Variants in NALF1 observed in about 807,000 individuals in gnomAD.
NALF1 encodes NALCN channel auxiliary factor 1, also known as family with sequence similarity 155 member A.
A neutral mutation model predicts 48.4 loss-of-function variants in NALF1; 3 were observed. The ratio of observed to expected loss-of-function variants is 0.06; its 90% CI spans 0.03 to 0.16. The LOEUF (loss-of-function observed/expected upper bound fraction) is 0.16. Ranked by LOEUF, NALF1 falls within the 10% of genes least tolerant of loss-of-function variation. NALF1 has a pLI of 1.00. For synonymous variants in NALF1, 262 were observed against 245.7 expected (o/e 1.07, Z -0.62); for missense variants, 526 against 571.5 (o/e 0.92, Z 0.81).
intron 1 of NALF1, among the ~76,000 whole-genome samples, chr13:107,339,156 AAG>A (rs1201049485): frequency 0.01 from 1,428 of 141,048 alleles, 25 homozygotes; most frequent in African/African-American, 0.034. Context: ...AAAAAAAAAA[AAG>A]TTACAGCTTG....
intron 1 of NALF1, among the ~76,000 whole-genome samples, chr13:107,335,688 T>A (rs1200790885): frequency 6.6e-6 from 1 of 152,216 alleles, no homozygotes; most frequent in Non-Finnish European, 1.5e-5. Flanking sequence ...AATGATAATG[T>A]ACTGTTTTTG....
At chr13:107,338,904 GGGC>G (rs1882613650) in intron 1 of NALF1, among the ~76,000 whole-genome samples, 1 of 152,026 alleles carries the variant, frequency 6.6e-6, no homozygotes, top group African/African-American at 2.4e-5. Flanking sequence ...AGGCTGAGGT[GGGC>G]GGATCACGAG....
At chr13:107,219,085 A>C (rs979438359) in intron 1 of NALF1, among the ~76,000 whole-genome samples, 24 of 152,292 alleles carry the variant, frequency 1.6e-4, no homozygotes, top group African/African-American at 5.1e-4. Context: ...AGTGACGAAG[A>C]TGGTGGGAGC....
chr13:107,433,343 TC>T (rs1471694710), intron 1 of NALF1, among the ~76,000 whole-genome samples: 84 of 152,216 alleles, frequency 5.5e-4, no homozygotes, highest in African/African-American at 2.0e-3. Context: ...AAATGTGTCT[TC>T]TAAAATAAAT....
At chr13:107,836,154 CTAATTTTTG>C (rs1879882146) in intron 1 of NALF1, among the ~76,000 whole-genome samples, 1 of 152,172 alleles carries the variant, frequency 6.6e-6, no homozygotes, top group South Asian at 2.1e-4. Context: ...CCATGCTCGA[CTAATTTTTG>C]TAATTTTTGT....
intron 2 of NALF1, among the ~76,000 whole-genome samples, chr13:107,178,957 A>AT (rs760423144): frequency 6.7e-6 from 1 of 150,068 alleles, no homozygotes; most frequent in Admixed American, 6.7e-5. Flanking sequence ...AAAACAAACA[A>AT]AAAAAAAAAA....
chr13:107,331,846 A>G (rs1389841556), intron 1 of NALF1, among the ~76,000 whole-genome samples: 3 of 152,154 alleles, frequency 2.0e-5, no homozygotes, highest in Non-Finnish European at 4.4e-5. Flanking sequence ...AAATGTTTTC[A>G]TAAGACATTA....
At chr13:107,234,742 A>G (rs1880305210) in intron 1 of NALF1, among the ~76,000 whole-genome samples, 2 of 152,140 alleles carry the variant, frequency 1.3e-5, no homozygotes, top group Admixed American at 1.3e-4. Context: ...AAAAACCAAG[A>G]GCATTTTCAG....
At chr13:107,577,224 G>A (rs1173293829) in intron 1 of NALF1, among the ~76,000 whole-genome samples, 1 of 152,170 alleles carries the variant, frequency 6.6e-6, no homozygotes, top group Non-Finnish European at 1.5e-5. Context: ...TCATCTGCAT[G>A]TTGGAAGGTG....
intron 1 of NALF1, among the ~76,000 whole-genome samples, chr13:107,214,890 G>A (rs891036622): frequency 1.3e-5 from 2 of 152,156 alleles, no homozygotes; most frequent in Non-Finnish European, 2.9e-5. Context: ...TTTGGGAAAT[G>A]TTTTACAAAT....
chr13:107,535,013 G>C (rs1876758789), intron 1 of NALF1, among the ~76,000 whole-genome samples: 2 of 152,242 alleles, frequency 1.3e-5, no homozygotes, highest in Non-Finnish European at 2.9e-5. Flanking sequence ...AAGAATGCTT[G>C]TGATTTTTGC....
At chr13:107,778,130 C>G (rs1457432892) in intron 1 of NALF1, among the ~76,000 whole-genome samples, 1 of 152,150 alleles carries the variant, frequency 6.6e-6, no homozygotes, top group East Asian at 1.9e-4. Context: ...TGAAAACACC[C>G]AGGACTTCTG....
chr13:107,460,012 G>C (rs936418408), intron 1 of NALF1, among the ~76,000 whole-genome samples: 3 of 152,182 alleles, frequency 2.0e-5, no homozygotes, highest in African/African-American at 7.2e-5. Flanking sequence ...GAAGTGCTGG[G>C]ATTATAGGCA....
intron 1 of NALF1, among the ~76,000 whole-genome samples, chr13:107,660,512 CAAAT>C (rs1461338534): frequency 4.7e-5 from 7 of 147,484 alleles, no homozygotes; most frequent in Admixed American, 6.7e-5. Flanking sequence ...ACAAACAAAA[CAAAT>C]AAACAAAAAA....
intron 1 of NALF1, among the ~76,000 whole-genome samples, chr13:107,664,559 C>T (rs949464132): frequency 6.6e-6 from 1 of 152,162 alleles, no homozygotes; most frequent in Non-Finnish European, 1.5e-5. Flanking sequence ...CTCACCGCCA[C>T]TCCCCAACTT....
intron 1 of NALF1, among the ~76,000 whole-genome samples, chr13:107,388,622 G>A (rs1486461079): frequency 6.6e-6 from 1 of 152,152 alleles, no homozygotes; most frequent in Non-Finnish European, 1.5e-5. Flanking sequence ...AATTTCCCTA[G>A]ATAGAGACAC....
At chr13:107,851,341 G>GTTT (rs34705065) in intron 1 of NALF1, among the ~76,000 whole-genome samples, 1 of 143,466 alleles carries the variant, frequency 7.0e-6, no homozygotes, top group South Asian at 2.2e-4. Flanking sequence ...CAGATGAACA[G>GTTT]TTTTTTTTTT....
chr13:107,543,293 A>AT (rs2139121391), intron 1 of NALF1, among the ~76,000 whole-genome samples: 1 of 152,234 alleles, frequency 6.6e-6, no homozygotes, highest in East Asian at 1.9e-4. Flanking sequence ...TTATGATTTC[A>AT]TTTAGCCCAC....
chr13:107,540,863 T>C (rs966901593), intron 1 of NALF1, among the ~76,000 whole-genome samples: 1 of 152,156 alleles, frequency 6.6e-6, no homozygotes, highest in Non-Finnish European at 1.5e-5. Context: ...ATACATAAAC[T>C]TATTTAGAAA....
Sources: gnomAD v4.1 joint callset for allele counts (sites outside exome capture counted in the v4.1 genomes callset) on GRCh38, gnomAD v4.1.1 for gene constraint, MANE v1.5 for transcripts, NCBI Gene and HGNC (gene_info 2026-07-23, HGNC 2026-07-21) for gene names.